Variants in SLC25A13 observed in about 807,000 individuals in gnomAD.
The protein encoded by SLC25A13 is electrogenic aspartate/glutamate antiporter SLC25A13, mitochondrial.
In SLC25A13, 70 loss-of-function variants were observed where a neutral mutation model predicts 85.5. That is an observed-to-expected ratio of 0.82 (90% confidence interval 0.68 to 1.00). The LOEUF is 1.00. Ranked by LOEUF, SLC25A13 falls within the 50% of genes least tolerant of loss-of-function variation. SLC25A13 has a pLI of 0.00. For missense variants in SLC25A13, 765 were observed against 819.8 expected, an observed-to-expected ratio of 0.93 and a Z score of 0.82; for synonymous variants, 259 against 288.7, an observed-to-expected ratio of 0.90 and a Z score of 1.04.
intron 3 of SLC25A13, among the ~76,000 whole-genome samples, chr7:96,250,262 G>C (rs1797363942): frequency 6.6e-6 from 1 of 152,186 alleles, no homozygotes; most frequent in African/African-American, 2.4e-5. Context: ...GTTTCAATAT[G>C]AATTACATGT....
intron 3 of SLC25A13, among the ~76,000 whole-genome samples, chr7:96,250,449 C>T (rs902264569): frequency 3.3e-5 from 5 of 152,180 alleles, no homozygotes; most frequent in African/African-American, 7.2e-5. Context: ...AGTTAACTTA[C>T]CAGACCATAA....
chr7:96,194,469 G>GAAAAAAAAAAAAAAAAAA (rs1794986209), intron 5 of SLC25A13, among the ~76,000 whole-genome samples: 3 of 50,126 alleles, frequency 6.0e-5, no homozygotes, highest in Non-Finnish European at 9.3e-5. Flanking sequence ...AAAAAAAAAG[G>GAAAAAAAAAAAAAAAAAA]AACACCAACA....
chr7:96,233,088 T>A (rs1472295739), intron 4 of SLC25A13, among the ~76,000 whole-genome samples: 1 of 152,222 alleles, frequency 6.6e-6, no homozygotes, highest in Non-Finnish European at 1.5e-5. Context: ...TGGATCTATA[T>A]CAAGGAACTA....
At chr7:96,125,612 T>C (rs6978731) in intron 15 of SLC25A13, among the ~76,000 whole-genome samples, 14,849 of 152,224 alleles carry the variant, frequency 0.098, 904 homozygotes, top group Non-Finnish European at 0.13. Context: ...ATTCATTTTC[T>C]ATTCTCCTTT....
intron 15 of SLC25A13, among the ~76,000 whole-genome samples, chr7:96,124,067 C>G (rs1791627729): frequency 6.6e-6 from 1 of 152,170 alleles, no homozygotes; most frequent in Non-Finnish European, 1.5e-5. Flanking sequence ...CAGGGGCCAT[C>G]CACCACCTCT....
chr7:96,241,910 C>G (rs918095822), intron 3 of SLC25A13, among the ~76,000 whole-genome samples: 1 of 152,170 alleles, frequency 6.6e-6, no homozygotes, highest in Admixed American at 6.5e-5. Context: ...TCTCACTCAG[C>G]AGAGGCTTAG....
At chr7:96,293,010 C>A (rs1036773871) in intron 2 of SLC25A13, among the ~76,000 whole-genome samples, 8 of 152,282 alleles carry the variant, frequency 5.3e-5, no homozygotes, top group Non-Finnish European at 1.2e-4. Context: ...AGAGGCGTCA[C>A]GTTACCTGAC....
At chr7:96,149,065 A>G (rs1584374551) in intron 13 of SLC25A13, among the ~76,000 whole-genome samples, 1 of 152,330 alleles carries the variant, frequency 6.6e-6, no homozygotes, top group East Asian at 1.9e-4. Flanking sequence ...TGACAGTTTA[A>G]TAAGAATTTC....
At chr7:96,128,939 G>GCTCGCT (rs1380552400) in intron 15 of SLC25A13, among the ~76,000 whole-genome samples, 17 of 81,850 alleles carry the variant, frequency 2.1e-4, no homozygotes, top group African/African-American at 6.0e-4. Flanking sequence ...TGCCTTGCTT[G>GCTCGCT]CTCTCTCTCT....
intron 2 of SLC25A13, among the ~76,000 whole-genome samples, chr7:96,290,489 TAA>T (rs1243073119): frequency 1.3e-5 from 2 of 150,604 alleles, no homozygotes; most frequent in East Asian, 2.0e-4. Context: ...GCAAATTGGA[TAA>T]AGAGTCAAGA....
At chr7:96,125,840 G>A (rs1791704354) in intron 15 of SLC25A13, among the ~76,000 whole-genome samples, 1 of 137,066 alleles carries the variant, frequency 7.3e-6, no homozygotes, top group Non-Finnish European at 1.6e-5. Flanking sequence ...ACTAACGCTT[G>A]ATATTTAATT....
At chr7:96,295,239 C>T (rs1042483349) in intron 2 of SLC25A13, among the ~76,000 whole-genome samples, 1 of 152,102 alleles carries the variant, frequency 6.6e-6, no homozygotes, top group Non-Finnish European at 1.5e-5. Context: ...GCCTGTAATC[C>T]CAGCTACCCA....
At chr7:96,235,223 T>C (rs1796702129) in intron 3 of SLC25A13, among the ~76,000 whole-genome samples, 1 of 152,220 alleles carries the variant, frequency 6.6e-6, no homozygotes, top group African/African-American at 2.4e-5. Context: ...TTTTGGGTTC[T>C]ATAATAAAAG....
intron 2 of SLC25A13, among the ~76,000 whole-genome samples, chr7:96,281,184 C>T (rs144162640): frequency 0.02 from 3,057 of 152,026 alleles, 98 homozygotes; most frequent in African/African-American, 0.068. Flanking sequence ...TAAGGTCAGG[C>T]GCTTGAGACC....
chr7:96,186,439 A>G (rs1794647910), intron 9 of SLC25A13, among the ~76,000 whole-genome samples: 1 of 152,206 alleles, frequency 6.6e-6, no homozygotes. Flanking sequence ...CAAAAAGAAA[A>G]AAGTTAGGAT....
chr7:96,262,459 A>G (rs576545770), intron 3 of SLC25A13, among the ~76,000 whole-genome samples: 33 of 152,278 alleles, frequency 2.2e-4, no homozygotes, highest in Admixed American at 2.0e-3. Flanking sequence ...ACGCAATGGT[A>G]ACTCAAGGTT....
At chr7:96,312,733 T>C (rs1236878396) in intron 1 of SLC25A13, among the ~76,000 whole-genome samples, 1 of 152,130 alleles carries the variant, frequency 6.6e-6, no homozygotes, top group Non-Finnish European at 1.5e-5. Flanking sequence ...CAAGAGCCAA[T>C]CTTAGAAAAG....
intron 13 of SLC25A13, among the ~76,000 whole-genome samples, chr7:96,166,596 A>G (rs1320399173): frequency 1.3e-5 from 2 of 152,228 alleles, no homozygotes; most frequent in Non-Finnish European, 2.9e-5. Context: ...TGCATATTAC[A>G]CTAGATATAT....
At chr7:96,279,117 T>G (rs1005495823) in intron 2 of SLC25A13, among the ~76,000 whole-genome samples, 1 of 152,180 alleles carries the variant, frequency 6.6e-6, no homozygotes, top group Non-Finnish European at 1.5e-5. Flanking sequence ...GAGAGGAACT[T>G]CTGGGCTCTT....
Sources: gnomAD v4.1 joint callset for allele counts (sites outside exome capture counted in the v4.1 genomes callset) on GRCh38, gnomAD v4.1.1 for gene constraint, MANE v1.5 for transcripts, NCBI Gene and HGNC (gene_info 2026-07-23, HGNC 2026-07-21) for gene names.